Variants in PCDH15 observed in about 807,000 individuals in gnomAD.
PCDH15 encodes the protein protocadherin related 15.
In PCDH15, 129 loss-of-function variants were observed where a neutral mutation model predicts 178.5. The observed-to-expected ratio is 0.72, with a 90% confidence interval of 0.63 to 0.84. The LOEUF is 0.84. Among genes scored for constraint, PCDH15 ranks in the 40% least tolerant of loss-of-function variants. PCDH15 has a pLI of 0.00. For missense variants in PCDH15, 2,230 were observed against 2,099.9 expected, an observed-to-expected ratio of 1.06 and a Z score of -1.21; for synonymous variants, 800 against 732.0, an observed-to-expected ratio of 1.09 and a Z score of -1.50.
chr10:54,318,005 A>T (rs1238468236), intron 7 of PCDH15, among the ~76,000 whole-genome samples: 1 of 152,146 alleles, frequency 6.6e-6, no homozygotes, highest in Non-Finnish European at 1.5e-5. Context: ...CCTAACCATA[A>T]AGGTCACTCT....
intron 17 of PCDH15, 100 bp downstream of exon 17, chr10:54,079,231 C>T: frequency 8.6e-7 from 1 of 1,162,738 alleles, no homozygotes; most frequent in Non-Finnish European, 1.3e-6. Flanking sequence ...GAAGTTGCTC[C>T]AGATGAAAAA....
intron 2 of PCDH15, among the ~76,000 whole-genome samples, chr10:55,053,321 A>G (rs909277023): frequency 3.9e-5 from 6 of 152,172 alleles, no homozygotes; most frequent in African/African-American, 1.2e-4. Context: ...TTCATTTCCA[A>G]TTCCACTTGT....
chr10:55,405,297 TATATATAC>T (rs1246851276), intron 2 of PCDH15, among the ~76,000 whole-genome samples: 3 of 143,648 alleles, frequency 2.1e-5, no homozygotes, highest in African/African-American at 5.1e-5. Context: ...TATATATATA[TATATATAC>T]AATTTAATGT....
intron 2 of PCDH15, among the ~76,000 whole-genome samples, chr10:55,496,347 T>A (rs1204182112): frequency 1.3e-5 from 2 of 151,794 alleles, no homozygotes; most frequent in African/African-American, 2.4e-5. Context: ...CCTGGCTTAC[T>A]TTTTTATAAA....
At chr10:54,629,722 T>C (rs1414246260) in intron 2 of PCDH15, among the ~76,000 whole-genome samples, 2 of 152,058 alleles carry the variant, frequency 1.3e-5, no homozygotes, top group South Asian at 4.1e-4. Flanking sequence ...TTCAACATAG[T>C]ACTGGAAGTC....
chr10:54,079,430 G>C lies in PCDH15; in HGVS notation c.1998-6C>G. The C allele has an allele frequency of 6.2e-7, 1 of 1,611,936 alleles. No individual in the cohort carries two copies. The highest frequency in any genetic ancestry group is 8.5e-7 in the Non-Finnish European group (1 of 1,178,058). On this transcript the variant is annotated splice_polypyrimidine_tract_variant and splice_region_variant and intron_variant, in intron 16 of 37. Transcript: ENST00000644397. Reference sequence around the variant, plus strand: ...CTAAGGTTAGAATCCCCGTGCTAGTGACAAAACAAACAAACAAATAAGACA... The same window carrying C: ...CTAAGGTTAGAATCCCCGTGCTAGTCACAAAACAAACAAACAAATAAGACA...
At chr10:54,526,888 TC>T (rs1371918064) in intron 3 of PCDH15, among the ~76,000 whole-genome samples, 1 of 152,106 alleles carries the variant, frequency 6.6e-6, no homozygotes, top group Non-Finnish European at 1.5e-5. Flanking sequence ...TATACAGGTT[TC>T]CAAAGTACAT....
intron 1 of PCDH15, among the ~76,000 whole-genome samples, chr10:55,224,483 A>G (rs117600196): frequency 0.03 from 4,568 of 152,160 alleles, 95 homozygotes; most frequent in Non-Finnish European, 0.049. Flanking sequence ...GAAGAAATCC[A>G]GGCGACCCTG....
At chr10:54,153,045 T>A in intron 14 of PCDH15, 55 bp downstream of exon 14, 1 of 1,590,198 alleles carries the variant, frequency 6.3e-7, no homozygotes, top group Non-Finnish European at 8.6e-7. Context: ...TTAAATTTAA[T>A]TACAGGGTTA....
At chr10:55,387,441 G>C (rs1431735518) in intron 2 of PCDH15, among the ~76,000 whole-genome samples, 1 of 152,064 alleles carries the variant, frequency 6.6e-6, no homozygotes, top group Non-Finnish European at 1.5e-5. Context: ...AGAAAAATTT[G>C]AAAATTCCTA....
intron 8 of PCDH15, among the ~76,000 whole-genome samples, chr10:54,290,433 T>A (rs753633694): frequency 6.6e-6 from 1 of 152,134 alleles, no homozygotes; most frequent in Non-Finnish European, 1.5e-5. Flanking sequence ...ACCAGCCACC[T>A]CAAAAACATG....
intron 26 of PCDH15, among the ~76,000 whole-genome samples, chr10:53,888,482 A>T (rs2081308822): frequency 7.0e-6 from 1 of 142,934 alleles, no homozygotes; most frequent in Non-Finnish European, 1.5e-5. Flanking sequence ...TGTAATAGAT[A>T]GATAATATCA....
intron 2 of PCDH15, among the ~76,000 whole-genome samples, chr10:55,562,312 G>T (rs773298965): frequency 3.4e-4 from 52 of 151,954 alleles, no homozygotes; most frequent in Non-Finnish European, 6.0e-4. Flanking sequence ...ATTTTATACA[G>T]TTATTATAAG....
intron 3 of PCDH15, among the ~76,000 whole-genome samples, chr10:54,866,319 T>A (rs938453309): frequency 8.5e-5 from 13 of 152,176 alleles, no homozygotes; most frequent in Admixed American, 6.5e-5. Context: ...TAATGAACAG[T>A]TCAGGATTGT....
At chr10:55,075,710 AT>A (rs71014447) in intron 2 of PCDH15, among the ~76,000 whole-genome samples, 10,301 of 146,290 alleles carry the variant, frequency 0.07, 464 homozygotes, top group African/African-American at 0.12. Flanking sequence ...CCTCCTTTGT[AT>A]TTTTTTTTTC....
chr10:54,793,986 C>T (rs1421959847), intron 1 of PCDH15, among the ~76,000 whole-genome samples: 1 of 147,170 alleles, frequency 6.8e-6, no homozygotes, highest in East Asian at 2.0e-4. Flanking sequence ...TTTCATTATA[C>T]TCACAATTTA....
At chr10:55,091,009 C>T (rs1358967108) in intron 2 of PCDH15, among the ~76,000 whole-genome samples, 1 of 151,874 alleles carries the variant, frequency 6.6e-6, no homozygotes, top group Non-Finnish European at 1.5e-5. Context: ...ATCATAGATA[C>T]TGTTTACTTT....
At chr10:55,585,800 A>G (rs1842716851) in intron 2 of PCDH15, among the ~76,000 whole-genome samples, 2 of 152,146 alleles carry the variant, frequency 1.3e-5, no homozygotes, top group South Asian at 4.1e-4. Flanking sequence ...TGAGAGAGAG[A>G]TAGACTGTTC....
chr10:55,131,678 A>C (rs1184265812), intron 2 of PCDH15, among the ~76,000 whole-genome samples: 1 of 151,264 alleles, frequency 6.6e-6, no homozygotes, highest in African/African-American at 2.4e-5. Flanking sequence ...GCTGGTGTCT[A>C]TGCAGCTCTC....
Sources: gnomAD v4.1 joint callset for allele counts (sites outside exome capture counted in the v4.1 genomes callset) on GRCh38, gnomAD v4.1.1 for gene constraint, MANE v1.5 for transcripts, NCBI Gene and HGNC (gene_info 2026-07-23, HGNC 2026-07-21) for gene names.